ATP2B2: variants seen among roughly 807,000 people sequenced by gnomAD.
ATP2B2 encodes plasma membrane calcium-transporting ATPase 2.
A neutral mutation model predicts 120.0 loss-of-function variants in ATP2B2; 15 were observed. That is an observed-to-expected ratio of 0.12 (90% CI 0.08 to 0.19). ATP2B2 has a LOEUF of 0.19. Ranked by LOEUF, ATP2B2 falls within the 10% of genes least tolerant of loss-of-function variation. The pLI, the probability that ATP2B2 is intolerant of heterozygous loss-of-function variation, is 1.00. For missense variants in ATP2B2, 1,045 were observed against 1,719.8 expected (o/e 0.61, Z 6.94); for synonymous variants, 694 against 700.3 (o/e 0.99, Z 0.14).
At chr3:10,345,824 C>T (rs2060414853) in intron 17 of ATP2B2, among the ~76,000 whole-genome samples, 1 of 152,206 alleles carries the variant, frequency 6.6e-6, no homozygotes, top group South Asian at 2.1e-4. Context: ...AAGTGCCCCC[C>T]TTCACACAGC....
intron 5 of ATP2B2, among the ~76,000 whole-genome samples, chr3:10,392,931 G>C (rs17032812): frequency 6.6e-6 from 1 of 152,166 alleles, no homozygotes; most frequent in Non-Finnish European, 1.5e-5. Flanking sequence ...GCTACATCTC[G>C]GGAAGAAGAG....
chr3:10,512,465 CACACACA>C (rs1559431326), intron 3 of ATP2B2, among the ~76,000 whole-genome samples: 30 of 11,096 alleles, frequency 2.7e-3, no homozygotes, highest in African/African-American at 5.1e-3. Flanking sequence ...AGTGTGTGCG[CACACACA>C]CACACACACA....
chr3:10,495,477 T>G (rs2066108702), intron 1 of ATP2B2, among the ~76,000 whole-genome samples: 1 of 152,208 alleles, frequency 6.6e-6, no homozygotes, highest in Admixed American at 6.5e-5. Flanking sequence ...AGGAAACTTT[T>G]GCACACGGAG....
intron 2 of ATP2B2, among the ~76,000 whole-genome samples, chr3:10,595,186 A>T (rs1370372579): frequency 6.6e-6 from 1 of 152,214 alleles, no homozygotes; most frequent in Non-Finnish European, 1.5e-5. Context: ...TCCAACCCGG[A>T]AGCCGTTGAA....
intron 1 of ATP2B2, among the ~76,000 whole-genome samples, chr3:10,698,110 C>T (rs2071765551): frequency 6.6e-6 from 1 of 152,194 alleles, no homozygotes; most frequent in African/African-American, 2.4e-5. Flanking sequence ...AAGTCCTGGT[C>T]CATTTAATCC....
At chr3:10,498,856 T>G (rs1231997967) in intron 1 of ATP2B2, among the ~76,000 whole-genome samples, 1 of 152,188 alleles carries the variant, frequency 6.6e-6, no homozygotes, top group African/African-American at 2.4e-5. Context: ...TCCACCCTCC[T>G]TGGACTAGGA....
intron 2 of ATP2B2, among the ~76,000 whole-genome samples, chr3:10,420,148 G>A (rs772398321): frequency 6.6e-6 from 1 of 152,210 alleles, no homozygotes; most frequent in East Asian, 1.9e-4. Flanking sequence ...CACAGGCTGA[G>A]TGGGGGAGGG....
chr3:10,610,169 T>C (rs1357201280), intron 2 of ATP2B2, among the ~76,000 whole-genome samples: 3 of 149,254 alleles, frequency 2.0e-5, no homozygotes, highest in Non-Finnish European at 3.0e-5. Context: ...CAGGAAAAAA[T>C]ATATATCGTG....
chr3:10,456,626 A>G (rs1219916795), intron 1 of ATP2B2, among the ~76,000 whole-genome samples: 1 of 152,360 alleles, frequency 6.6e-6, no homozygotes, highest in Non-Finnish European at 1.5e-5. Context: ...CTCCCAGACC[A>G]GCATGTACCC....
At chr3:10,495,045 A>T (rs2066088447) in intron 1 of ATP2B2, among the ~76,000 whole-genome samples, 1 of 152,224 alleles carries the variant, frequency 6.6e-6, no homozygotes, top group Non-Finnish European at 1.5e-5. Context: ...CAAACCTTCA[A>T]GAGTCACCTG....
chr3:10,362,336 C>T (rs1164661257), intron 12 of ATP2B2, among the ~76,000 whole-genome samples: 1 of 152,208 alleles, frequency 6.6e-6, no homozygotes, highest in Non-Finnish European at 1.5e-5. Context: ...TGGATGTATC[C>T]CTGGCCTATT....
At chr3:10,372,167 C>A in intron 11 of ATP2B2, 116 bp from the exon 12 acceptor site, 1 of 1,428,556 alleles carries the variant, frequency 7.0e-7, no homozygotes, top group South Asian at 1.2e-5. Context: ...ACAGCCTGCC[C>A]CTTTGCTTCC....
intron 1 of ATP2B2, among the ~76,000 whole-genome samples, chr3:10,466,908 T>G (rs1396483141): frequency 1.3e-5 from 2 of 152,216 alleles, no homozygotes; most frequent in Non-Finnish European, 2.9e-5. Flanking sequence ...CTCACAATCA[T>G]GAGCAGAGCA....
intron 3 of ATP2B2, 31 bp downstream of exon 3, chr3:10,410,587 G>T: frequency 6.3e-7 from 1 of 1,576,338 alleles, no homozygotes; most frequent in East Asian, 2.3e-5. Flanking sequence ...CAGGTGTGCG[G>T]GGCGGTTCGT....
chr3:10,399,726 G>A (rs868073513), intron 5 of ATP2B2, among the ~76,000 whole-genome samples: 2 of 152,216 alleles, frequency 1.3e-5, no homozygotes, highest in Middle Eastern at 3.4e-3. Context: ...GTATTTCCAG[G>A]ACATTGCACA....
chr3:10,596,933 G>T (rs182298014), intron 2 of ATP2B2, among the ~76,000 whole-genome samples: 7 of 152,306 alleles, frequency 4.6e-5, no homozygotes, highest in Admixed American at 1.3e-4. Flanking sequence ...GCAAACCAGG[G>T]CACGTGGCAC....
At chr3:10,672,065 A>G (rs966142615) in intron 1 of ATP2B2, among the ~76,000 whole-genome samples, 2 of 152,246 alleles carry the variant, frequency 1.3e-5, no homozygotes, top group Non-Finnish European at 2.9e-5. Context: ...GATTTTATGC[A>G]GTGTGACAGC....
rs934419277 is a variant in ATP2B2 at position 10,532,027 on chromosome 3, C to T, written c.-320+2012G>A. Among the ~76,000 whole-genome samples the T allele has an allele frequency of 4.6e-5, 7 of 151,012 alleles. No homozygotes were observed. In the East Asian group the frequency reaches 9.8e-4, roughly 21 times the overall value. The stretch of plus-strand genomic sequence containing the variant: ...CCCCCAACCTAGAACTGTGATCTGG[C>T]CCTTTCTGATGTGCCCCTCACCCCC... On this transcript the variant is annotated intron_variant, in intron 3 of 21. Transcript: ENST00000646379.
At chr3:10,613,332 G>A (rs949639834) in intron 2 of ATP2B2, among the ~76,000 whole-genome samples, 2 of 152,254 alleles carry the variant, frequency 1.3e-5, no homozygotes, top group African/African-American at 4.8e-5. Context: ...TCTGAGTTTG[G>A]TGAGTCATTC....
Sources: gnomAD v4.1 joint callset for allele counts (sites outside exome capture counted in the v4.1 genomes callset) on GRCh38, gnomAD v4.1.1 for gene constraint, MANE v1.5 for transcripts, NCBI Gene and HGNC (gene_info 2026-07-23, HGNC 2026-07-21) for gene names.